The following CFAP90 variants were observed in gnomAD, a reference collection of about 807,000 sequenced individuals.
CFAP90 encodes the protein cilia- and flagella-associated protein 90.
the CFAP90 span, among the ~76,000 whole-genome samples, chr5:7,841,781 C>T: frequency 0.013 from 1,948 of 152,142 alleles, 34 homozygotes; most frequent in East Asian, 0.064. Context: ...ATGATAAAAA[C>T]ATAGGGACAC....
At chr5:7,844,009 CGG>C in the CFAP90 span, among the ~76,000 whole-genome samples, 4 of 152,282 alleles carry the variant, frequency 2.6e-5, no homozygotes, top group African/African-American at 9.6e-5. Flanking sequence ...TCCTCACTCT[CGG>C]TGTTTCGTAC....
the CFAP90 span, among the ~76,000 whole-genome samples, chr5:7,846,995 CT>C: frequency 8.7e-4 from 132 of 152,262 alleles, 1 homozygote; most frequent in Admixed American, 4.2e-3. Flanking sequence ...GTGATCTGCC[CT>C]CCTCAGTCTC....
the CFAP90 span, among the ~76,000 whole-genome samples, chr5:7,841,271 C>T: frequency 7.9e-5 from 12 of 152,084 alleles, no homozygotes; most frequent in African/African-American, 1.9e-4. Context: ...ATCAAAACCA[C>T]GATGAGATAC....
chr5:7,850,054 T>C, the CFAP90 span, among the ~76,000 whole-genome samples: 1 of 152,040 alleles, frequency 6.6e-6, no homozygotes, highest in Non-Finnish European at 1.5e-5. Context: ...TCCCGCTCCC[T>C]TCTCCGAAGA....
chr5:7,832,972 G>A, the CFAP90 span, among the ~76,000 whole-genome samples: 1 of 152,218 alleles, frequency 6.6e-6, no homozygotes, highest in African/African-American at 2.4e-5. Context: ...GTTCTCGTGT[G>A]TGCAATTTCT....
chr5:7,837,285 A>G, the CFAP90 span, among the ~76,000 whole-genome samples: 1 of 152,160 alleles, frequency 6.6e-6, no homozygotes, highest in African/African-American at 2.4e-5. Context: ...TGCATGTGTT[A>G]GCTGGTCTTT....
At chr5:7,844,018 G>A in the CFAP90 span, among the ~76,000 whole-genome samples, 3 of 152,038 alleles carry the variant, frequency 2.0e-5, no homozygotes, top group African/African-American at 7.2e-5. Context: ...TCGGTGTTTC[G>A]TACCATGTGA....
chr5:7,832,072 C>T, the CFAP90 span: 18 of 1,574,872 alleles, frequency 1.1e-5, no homozygotes, highest in South Asian at 2.3e-5. Context: ...CCACTGCATT[C>T]GCCAGCACAG....
the CFAP90 span, among the ~76,000 whole-genome samples, chr5:7,840,582 G>T: frequency 0.45 from 67,905 of 151,922 alleles, 15,834 homozygotes; most frequent in Admixed American, 0.57. Flanking sequence ...AGGAAGTGCA[G>T]GTGACTGAAG....
At chr5:7,842,136 C>T in the CFAP90 span, among the ~76,000 whole-genome samples, 5 of 151,866 alleles carry the variant, frequency 3.3e-5, no homozygotes, top group Admixed American at 3.3e-4. Context: ...CCATCGTGCC[C>T]CATGACTCCT....
the CFAP90 span, among the ~76,000 whole-genome samples, chr5:7,847,955 A>C: frequency 6.6e-6 from 1 of 152,202 alleles, no homozygotes; most frequent in African/African-American, 2.4e-5. Context: ...ATTCTGTCCA[A>C]CAGCCAGATG....
the CFAP90 span, among the ~76,000 whole-genome samples, chr5:7,848,966 A>C: frequency 6.6e-6 from 1 of 152,196 alleles, no homozygotes; most frequent in Non-Finnish European, 1.5e-5. Context: ...GTATGTCTTT[A>C]TTAGCAGTGT....
the CFAP90 span, among the ~76,000 whole-genome samples, chr5:7,847,140 G>A: frequency 1.1e-3 from 174 of 152,192 alleles, no homozygotes; most frequent in Admixed American, 2.2e-3. Context: ...TGGTCCTGCA[G>A]CTGATTAAAT....
chr5:7,844,508 A>G, the CFAP90 span, among the ~76,000 whole-genome samples: 5 of 152,218 alleles, frequency 3.3e-5, no homozygotes, highest in African/African-American at 1.2e-4. Flanking sequence ...GATAAAGGTA[A>G]ATCATTGTCC....
chr5:7,837,613 G>A, the CFAP90 span, among the ~76,000 whole-genome samples: 1 of 152,192 alleles, frequency 6.6e-6, no homozygotes, highest in African/African-American at 2.4e-5. Context: ...AGAGCATAAC[G>A]TAGCTTTGGC....
chr5:7,844,291 G>A, the CFAP90 span, among the ~76,000 whole-genome samples: 2 of 152,228 alleles, frequency 1.3e-5, no homozygotes, highest in African/African-American at 2.4e-5. Flanking sequence ...GGAGGAGAAC[G>A]AGGACAGGGA....
chr5:7,835,544 G>A, the CFAP90 span: 2 of 1,112,680 alleles, frequency 1.8e-6, no homozygotes, highest in East Asian at 2.3e-5. Flanking sequence ...TTTGAAGGCT[G>A]GGTCATTGAG....
At chr5:7,850,783 C>A in the CFAP90 span, 1 of 1,139,442 alleles carries the variant, frequency 8.8e-7, no homozygotes, top group South Asian at 4.5e-5. Flanking sequence ...GCCGCCCGCC[C>A]CTGCCCAGCC....
At chr5:7,837,680 G>C in the CFAP90 span, among the ~76,000 whole-genome samples, 2 of 152,206 alleles carry the variant, frequency 1.3e-5, no homozygotes, top group African/African-American at 2.4e-5. Context: ...CTGTGCTCCT[G>C]CTGAGGGAAT....
Sources: gnomAD v4.1 joint callset for allele counts (sites outside exome capture counted in the v4.1 genomes callset) on GRCh38, gnomAD v4.1.1 for gene constraint, MANE v1.5 for transcripts, NCBI Gene and HGNC (gene_info 2026-07-23, HGNC 2026-07-21) for gene names.